The following AUTS2 variants were observed in gnomAD, a reference collection of about 807,000 sequenced individuals.
The protein encoded by AUTS2 is activator of transcription and developmental regulator AUTS2.
In AUTS2, 17 loss-of-function variants were observed where a neutral mutation model predicts 112.4. The observed-to-expected ratio is 0.15, with a 90% CI of 0.10 to 0.23. The LOEUF (loss-of-function observed/expected upper bound fraction) is 0.23. Ranked by LOEUF, AUTS2 falls within the 10% of genes least tolerant of loss-of-function variation. The pLI is 1.00. For missense variants in AUTS2, 1,510 were observed against 1,701.6 expected, an observed-to-expected ratio of 0.89 and a Z score of 1.98; for synonymous variants, 751 against 702.7, an observed-to-expected ratio of 1.07 and a Z score of -1.09.
chr7:70,679,878 G>C (rs1253509881), intron 5 of AUTS2, among the ~76,000 whole-genome samples: 1 of 152,220 alleles, frequency 6.6e-6, no homozygotes, highest in East Asian at 1.9e-4. Context: ...TCAGACTAAA[G>C]TGGGTGTGAT....
intron 4 of AUTS2, among the ~76,000 whole-genome samples, chr7:70,154,847 CT>C (rs888801888): frequency 2.0e-5 from 3 of 151,326 alleles, no homozygotes; most frequent in African/African-American, 7.3e-5. Flanking sequence ...TGGTTGGGTG[CT>C]TTTTTTTTCC....
intron 1 of AUTS2, among the ~76,000 whole-genome samples, chr7:69,814,537 C>T (rs997229912): frequency 2.0e-5 from 3 of 152,308 alleles, no homozygotes; most frequent in South Asian, 4.1e-4. Flanking sequence ...CCAGGCCACC[C>T]GGGCGAGGGC....
At chr7:70,183,750 T>G (rs1809449192) in intron 4 of AUTS2, among the ~76,000 whole-genome samples, 1 of 152,040 alleles carries the variant, frequency 6.6e-6, no homozygotes, top group Non-Finnish European at 1.5e-5. Context: ...TCACTCTAAA[T>G]AGCCCCCTGG....
At chr7:70,447,202 A>G (rs1303678257) in intron 5 of AUTS2, among the ~76,000 whole-genome samples, 15 of 152,214 alleles carry the variant, frequency 9.9e-5, no homozygotes, top group Admixed American at 9.8e-4. Flanking sequence ...TCATCAACCC[A>G]GTTAGAAATG....
chr7:69,711,087 C>T (rs1798303537), intron 1 of AUTS2, among the ~76,000 whole-genome samples: 1 of 152,112 alleles, frequency 6.6e-6, no homozygotes, highest in South Asian at 2.1e-4. Flanking sequence ...ACAAATGCGT[C>T]ACTTAGTGGG....
chr7:70,771,655 T>C lies in AUTS2; in HGVS notation c.1830+11T>C. ...GCATTTCAGCCGAAGGTAAGAAACC[T>C]CACAGTGAAAACACACAGGCATGTG... On this transcript the variant is annotated intron_variant, in intron 11 of 18. Transcript: ENST00000342771. 6.2e-7 allele frequency: 1 copy of C among 1,610,922 alleles called. No homozygotes were observed. Among genetic ancestry groups the C allele is most frequent in the Non-Finnish European group, 8.5e-7 (1 of 1,177,300 alleles).
chr7:70,685,995 G>C (rs73435050), intron 5 of AUTS2, among the ~76,000 whole-genome samples: 4,266 of 152,214 alleles, frequency 0.028, 218 homozygotes, highest in African/African-American at 0.096. Context: ...ACTGTTTGCT[G>C]AGCAAGCCCC....
At chr7:70,419,828 T>C (rs1795141137) in intron 4 of AUTS2, among the ~76,000 whole-genome samples, 2 of 152,232 alleles carry the variant, frequency 1.3e-5, no homozygotes, top group Non-Finnish European at 2.9e-5. Flanking sequence ...GAGAAATATA[T>C]CTCTTTTTAA....
intron 6 of AUTS2, among the ~76,000 whole-genome samples, chr7:70,716,019 G>C (rs1319635338): frequency 6.6e-6 from 1 of 152,196 alleles, no homozygotes; most frequent in Non-Finnish European, 1.5e-5. Context: ...CTTGATTCAA[G>C]AAAGTAGGCA....
chr7:69,819,735 A>T (rs1790904451), intron 1 of AUTS2, among the ~76,000 whole-genome samples: 1 of 152,170 alleles, frequency 6.6e-6, no homozygotes, highest in Non-Finnish European at 1.5e-5. Context: ...TTCCTGTGTC[A>T]GCTTCCCAAA....
chr7:69,984,636 C>T (rs1047316762), intron 2 of AUTS2, among the ~76,000 whole-genome samples: 16 of 152,166 alleles, frequency 1.1e-4, no homozygotes, highest in African/African-American at 3.4e-4. Context: ...CTTTCCCCCA[C>T]GCTGAGAACA....
At chr7:69,835,322 C>T (rs2865804) in intron 1 of AUTS2, among the ~76,000 whole-genome samples, 15,095 of 151,916 alleles carry the variant, frequency 0.099, 1,195 homozygotes, top group African/African-American at 0.22. Context: ...AGAGAGATGG[C>T]AAAATCCATG....
chr7:70,390,106 T>C (rs1793787131), intron 4 of AUTS2, among the ~76,000 whole-genome samples: 1 of 152,202 alleles, frequency 6.6e-6, no homozygotes, highest in South Asian at 2.1e-4. Context: ...CATTTCCCCC[T>C]TACCTTCCAG....
chr7:69,857,370 C>T (rs1476152339), intron 1 of AUTS2, among the ~76,000 whole-genome samples: 2 of 152,196 alleles, frequency 1.3e-5, no homozygotes, highest in African/African-American at 4.8e-5. Flanking sequence ...GCTGATGCAG[C>T]AGAATCACAA....
At chr7:69,991,269 T>C (rs1798731594) in intron 2 of AUTS2, among the ~76,000 whole-genome samples, 1 of 152,222 alleles carries the variant, frequency 6.6e-6, no homozygotes, top group African/African-American at 2.4e-5. Flanking sequence ...GGAGACATCC[T>C]GAGGTGATGC....
At chr7:70,063,679 C>G (rs1802360173) in intron 2 of AUTS2, among the ~76,000 whole-genome samples, 1 of 152,112 alleles carries the variant, frequency 6.6e-6, no homozygotes, top group African/African-American at 2.4e-5. Context: ...GCCATTTTGC[C>G]TGAGTTTTTG....
At chr7:70,760,067 G>A (rs1287154041) in intron 6 of AUTS2, among the ~76,000 whole-genome samples, 1 of 151,156 alleles carries the variant, frequency 6.6e-6, no homozygotes, top group Non-Finnish European at 1.5e-5. Flanking sequence ...GTGCAGTGGT[G>A]TGATCTCAGC....
intron 4 of AUTS2, among the ~76,000 whole-genome samples, chr7:70,163,351 G>GGGC (rs1808207593): frequency 2.0e-5 from 2 of 99,348 alleles, no homozygotes; most frequent in African/African-American, 6.4e-5. Flanking sequence ...TGGTGGGGGG[G>GGGC]GGGGGGGCAG....
intron 4 of AUTS2, among the ~76,000 whole-genome samples, chr7:70,308,840 T>C (rs547290254): frequency 1.3e-5 from 2 of 152,280 alleles, no homozygotes; most frequent in Admixed American, 1.3e-4. Flanking sequence ...ATGTTTCACT[T>C]GGCTGAATAA....
Sources: allele counts gnomAD v4.1 joint callset (sites outside exome capture counted in the v4.1 genomes callset), GRCh38; gene constraint gnomAD v4.1.1; transcripts MANE v1.5; gene names NCBI Gene and HGNC (gene_info 2026-07-23, HGNC 2026-07-21).